ANTXR1: variants seen among roughly 807,000 people sequenced by gnomAD.
ANTXR1 encodes the protein ANTXR cell adhesion molecule 1, also known as anthrax toxin receptor 1.
ANTXR1 carries 19 observed loss-of-function variants against 78.1 expected under a neutral mutation model. The ratio of observed to expected loss-of-function variants is 0.24; its 90% CI spans 0.17 to 0.36. The LOEUF (loss-of-function observed/expected upper bound fraction) is 0.36, where lower values mean the gene tolerates loss of function less well. Ranked by LOEUF, ANTXR1 falls within the 10% of genes least tolerant of loss-of-function variation. The probability of loss-of-function intolerance (pLI) is 1.00; values close to 1 mark genes in which losing one functional copy is unlikely to be tolerated. For missense variants in ANTXR1, 518 were observed against 718.6 expected (o/e 0.72, Z 3.19); for synonymous variants, 273 against 260.5 (o/e 1.05, Z -0.46).
intron 16 of ANTXR1, among the ~76,000 whole-genome samples, chr2:69,184,804 T>C (rs1440548784): frequency 6.6e-6 from 1 of 152,204 alleles, no homozygotes; most frequent in Non-Finnish European, 1.5e-5. Flanking sequence ...CTGTAGGATG[T>C]TGAATATACA....
Position 69,245,307 on chromosome 2 carries a change from C to T in ANTXR1, c.1517C>T (p.Pro506Leu), listed in dbSNP as rs200543195. The T allele has an allele frequency of 4.2e-4, 681 of 1,612,494 alleles. 5 individuals carry two copies. The highest frequency in any genetic ancestry group is 1.2e-3 in the South Asian group (111 of 90,920). The change falls in exon 18 of 18, where the codon CCG becomes CTG. Residue 506 changes from proline to leucine, a missense_variant. Transcript: ENST00000303714. The part of the protein sequence containing the change: ...PLNNAYHTSS[P>L]PPAPIYTPPP... Reference sequence around the variant, plus strand: ...AACAACGCCTACCACACCTCCTCGCCGCCTCCTGCCCCCATCTACACTCCC... The same window carrying T: ...AACAACGCCTACCACACCTCCTCGCTGCCTCCTGCCCCCATCTACACTCCC...
chr2:69,048,423 C>A (rs537877995), intron 3 of ANTXR1, among the ~76,000 whole-genome samples: 1 of 152,182 alleles, frequency 6.6e-6, no homozygotes, highest in East Asian at 1.9e-4. Context: ...AAATTTAGCA[C>A]CCCTATTTAT....
At chr2:69,123,124 A>G in intron 11 of ANTXR1, 38 bp downstream of exon 11, 1 of 1,602,806 alleles carries the variant, frequency 6.2e-7, no homozygotes, top group East Asian at 2.2e-5. Flanking sequence ...CCAGCCAGGG[A>G]AGAGAGAGAG....
At chr2:69,014,083 TTTTG>T (rs1310013468) in intron 1 of ANTXR1, among the ~76,000 whole-genome samples, 3 of 152,158 alleles carry the variant, frequency 2.0e-5, no homozygotes, top group South Asian at 2.1e-4. Flanking sequence ...TTGTTTTTGT[TTTTG>T]TTTTTTTGTT....
In ANTXR1 at chr2:69,182,596, C is replaced by G. The variant is rs376173038; in HGVS notation, c.1289C>G (p.Pro430Arg). 1.2e-6 allele frequency: 2 copies of G among 1,614,048 alleles called. No homozygotes were observed. Among genetic ancestry groups the G allele is most frequent in the Non-Finnish European group, 1.7e-6 (2 of 1,180,046 alleles). Residue 430 changes from proline to arginine, a missense_variant, in exon 16 of 18, where the codon CCG becomes CGG. Transcript: ENST00000303714. ...GAGCAGGAATATGAATTCCCTGAGC[C>G]GCGAAATCTCAACAACAATATGCGT... ...MPEQEYEFPEPRNLNNNMRRP... is the reference protein window; with the variant it reads ...MPEQEYEFPERRNLNNNMRRP...
At position 69,193,472 on chromosome 2, in the gene ANTXR1, C is replaced by T. The variant is rs905014847; in HGVS notation, c.1434+57C>T. On this transcript the variant is annotated intron_variant, in intron 17 of 17. Transcript: ENST00000303714. ...TCTCTCTCTCTCTCACATACACACA[C>T]ACACACACACACACACACATATTCT... 6 of 1,259,818 alleles carry T rather than the reference C, an allele frequency of 4.8e-6. No homozygotes were observed. In the African/African-American group the frequency reaches 6.0e-5, roughly 13 times the overall value. The allele number at this position is 1,259,818 out of a possible 1,614,324, so 78.0% of individuals were successfully genotyped here.
At chr2:69,123,545 A>G (rs1004957271) in intron 11 of ANTXR1, among the ~76,000 whole-genome samples, 3 of 152,194 alleles carry the variant, frequency 2.0e-5, no homozygotes, top group Admixed American at 6.5e-5. Context: ...AAGTAGGGCC[A>G]TGGCTGGTTC....
In ANTXR1 at chr2:69,013,230, C is replaced by A. The variant is rs1670916101; in HGVS notation, c.-270C>A. Reference sequence around the variant, plus strand: ...CGGCGCGGCCTCGGGAGCTGCCCGGCGGCCCCGGACCGAGGCAGCCCTCCC... The same window carrying A: ...CGGCGCGGCCTCGGGAGCTGCCCGGAGGCCCCGGACCGAGGCAGCCCTCCC... On this transcript the variant is annotated 5_prime_UTR_variant, in exon 1 of 18. Transcript: ENST00000303714. This position sits in a 1 kb window ranked among gnomAD's most constrained non-coding sequence, Gnocchi z 5.0. The A allele has an allele frequency of 3.9e-6, 2 of 512,386 alleles. No homozygotes were observed. Among genetic ancestry groups the A allele is most frequent in the Middle Eastern group, 1.1e-3 (2 of 1,870 alleles). The allele number at this position is 512,386 out of a possible 1,614,324, so 31.7% of individuals were successfully genotyped here.
At chr2:69,199,802 C>A (rs1035741552) in intron 17 of ANTXR1, among the ~76,000 whole-genome samples, 10 of 152,110 alleles carry the variant, frequency 6.6e-5, no homozygotes, top group Non-Finnish European at 1.3e-4. Context: ...CTCTTTTTCA[C>A]TCAGGGCAGC....
intron 17 of ANTXR1, among the ~76,000 whole-genome samples, chr2:69,211,454 C>T (rs1675042547): frequency 6.6e-6 from 1 of 152,232 alleles, no homozygotes; most frequent in East Asian, 1.9e-4. Flanking sequence ...TCCTACACAC[C>T]AAAGAACTAC....
chr2:69,152,242 T>G lies in ANTXR1; in HGVS notation c.1025T>G (p.Phe342Cys), dbSNP rs771663987. ...LLLALALLWW[F>C]WPLCCTVIIK... is the part of the protein sequence containing the mutation. ...CTAGCCCTGGCTCTCCTCTGGTGGT[T>G]CTGGCCCCTCTGCTGCACTGTGGTA... is the stretch of plus-strand genomic sequence containing the variant. The change falls in exon 13 of 18, where the codon TTC becomes TGC. Residue 342 changes from phenylalanine (F) to cysteine (C), a missense_variant. Coordinates refer to ENST00000303714, the MANE Select transcript of ANTXR1 (RefSeq NM_032208.3). 1.2e-6 allele frequency: 2 copies of G among 1,614,196 alleles called. No homozygotes were observed. Among genetic ancestry groups the G allele is most frequent in the Non-Finnish European group, 1.7e-6 (2 of 1,180,030 alleles).
At chr2:69,082,951 C>T (rs939960570) in intron 8 of ANTXR1, among the ~76,000 whole-genome samples, 7 of 152,210 alleles carry the variant, frequency 4.6e-5, no homozygotes, top group Admixed American at 2.0e-4. Flanking sequence ...AAGGATTTCT[C>T]GCAAGCTGTG....
rs139995844 is a variant in ANTXR1, at chr2:69,079,380, G to T, written c.642+1892G>T. ...GAAGCTCAGAGGTGGATTATTCTGG[G>T]CAGGAGTCCTCATGAGAAGGCAGCG... On this transcript the variant is annotated intron_variant, in intron 8 of 17. Coordinates refer to ENST00000303714, the MANE Select transcript of ANTXR1 (RefSeq NM_032208.3). Among the ~76,000 whole-genome samples, 96 of 152,218 alleles carry T rather than the reference G, an allele frequency of 6.3e-4. No homozygotes were observed. In the East Asian group the frequency reaches 0.017, roughly 27 times the overall value.
intron 11 of ANTXR1, among the ~76,000 whole-genome samples, chr2:69,123,671 T>C (rs1043083424): frequency 2.6e-5 from 4 of 152,066 alleles, no homozygotes; most frequent in Non-Finnish European, 5.9e-5. Context: ...TGAACTAATT[T>C]ATAGGGGAAA....
intron 17 of ANTXR1, among the ~76,000 whole-genome samples, chr2:69,222,900 T>C (rs574344992): frequency 1.1e-4 from 17 of 152,254 alleles, no homozygotes; most frequent in Non-Finnish European, 2.4e-4. Context: ...TAATCACTTT[T>C]TCTAACTGAT....
At chr2:69,174,300 G>A (rs539290648) in intron 14 of ANTXR1, among the ~76,000 whole-genome samples, 6 of 152,198 alleles carry the variant, frequency 3.9e-5, no homozygotes, top group Non-Finnish European at 7.3e-5. Flanking sequence ...GCTCCTGTGC[G>A]CTGATAGCAA....
chr2:69,045,654 G>T (rs1669743744), intron 3 of ANTXR1, among the ~76,000 whole-genome samples: 1 of 152,122 alleles, frequency 6.6e-6, no homozygotes, highest in Non-Finnish European at 1.5e-5. Context: ...ATGAATATAG[G>T]ACTAACAGGA....
chr2:69,043,340 T>C (rs1017156182), intron 2 of ANTXR1, among the ~76,000 whole-genome samples: 5 of 152,206 alleles, frequency 3.3e-5, no homozygotes, highest in African/African-American at 9.7e-5. Flanking sequence ...CATACAGTTG[T>C]TCAAGTATAA....
At chr2:69,230,079 A>G (rs1250524606) in intron 17 of ANTXR1, among the ~76,000 whole-genome samples, 1 of 151,686 alleles carries the variant, frequency 6.6e-6, no homozygotes, top group African/African-American at 2.4e-5. Flanking sequence ...TGCCCCTTTG[A>G]AAGGTTTGAA....
Sources: allele counts gnomAD v4.1 joint callset (sites outside exome capture counted in the v4.1 genomes callset), GRCh38; gene constraint gnomAD v4.1.1; non-coding constraint Gnocchi (gnomAD v3.1); transcripts MANE v1.5; gene names NCBI Gene and HGNC (gene_info 2026-07-23, HGNC 2026-07-21).